SCP2: variants seen among roughly 807,000 people sequenced by gnomAD.
SCP2 encodes the protein sterol carrier protein 2.
A neutral mutation model predicts 71.4 loss-of-function variants in SCP2; 48 were observed. The observed-to-expected ratio is 0.67, with a 90% CI of 0.53 to 0.86. The LOEUF (loss-of-function observed/expected upper bound fraction) is 0.86, where lower values mean the gene tolerates loss of function less well. Among genes scored for constraint, SCP2 ranks in the 40% least tolerant of loss-of-function variants. The pLI is 0.00. For missense variants in SCP2, 560 were observed against 655.6 expected, an observed-to-expected ratio of 0.85 and a Z score of 1.59; for synonymous variants, 220 against 218.1, an observed-to-expected ratio of 1.01 and a Z score of -0.08.
intron 11 of SCP2, among the ~76,000 whole-genome samples, chr1:53,012,895 T>C (rs1322948075): frequency 2.0e-5 from 3 of 152,326 alleles, no homozygotes; most frequent in African/African-American, 7.2e-5. Flanking sequence ...AAATTGCATC[T>C]GTTCTTTTGT....
In SCP2 at chr1:52,978,280, C is replaced by A; in HGVS notation, c.738C>A (p.Gly246=). Reference sequence around the variant, plus strand: ...GTGAAGCATTTGTACAGAAGTATGGCCTGCAATCCAAAGCTGTGGAAATTT... The same window carrying A: ...GTGAAGCATTTGTACAGAAGTATGGACTGCAATCCAAAGCTGTGGAAATTT... The part of the protein sequence containing the change: ...LASEAFVQKY[G]LQSKAVEILA... The change falls in exon 9 of 16, where the codon GGC becomes GGA. Residue 246 remains glycine, a synonymous_variant. Transcript: ENST00000371514. 1 of 1,613,916 alleles carries A rather than the reference C, an allele frequency of 6.2e-7. No individual in the cohort carries two copies. Among genetic ancestry groups the A allele is most frequent in the East Asian group, 2.2e-5 (1 of 44,880 alleles).
rs1050097517 is a variant in SCP2 at position 52,995,695 on chromosome 1, C to G, written c.1081+7559C>G. Reference sequence around the variant, plus strand: ...ATGAGCAGTTGCTCAACGTGCAGAACCAGAACAGCAGCTACTTTGTGGAGT... The same window carrying G: ...ATGAGCAGTTGCTCAACGTGCAGAAGCAGAACAGCAGCTACTTTGTGGAGT... On this transcript the variant is annotated intron_variant, in intron 11 of 15. Transcript: ENST00000371514. 1.7e-5 allele frequency: 13 copies of G among 743,610 alleles called. No homozygotes were observed. The African/African-American group carries it at 2.0e-4, about 12-fold the overall frequency. The allele number at this position is 743,610 out of a possible 1,614,324, so 46.1% of individuals were successfully genotyped here.
chr1:53,038,650 C>G (rs983677083), intron 13 of SCP2, among the ~76,000 whole-genome samples: 1 of 152,110 alleles, frequency 6.6e-6, no homozygotes, highest in Admixed American at 6.5e-5. Flanking sequence ...AGTGATCCCC[C>G]CACCTCTGCC....
Position 52,980,388 on chromosome 1 carries a change from G to A in SCP2, c.826-8G>A, listed in dbSNP as rs1360464311. On this transcript the variant is annotated splice_polypyrimidine_tract_variant and splice_region_variant and intron_variant, in intron 9 of 15. Transcript: ENST00000371514. ...GTGCCCTTTATTTATATATGGTTTT[G>A]GTTTTAGGTTGGCTTTGATATGAGT... The A allele has an allele frequency of 1.5e-5, 25 of 1,613,286 alleles. No homozygotes were observed. The highest frequency in any genetic ancestry group is 2.1e-5 in the Non-Finnish European group (25 of 1,179,706).
intron 2 of SCP2, among the ~76,000 whole-genome samples, chr1:52,946,306 G>A (rs1654789474): frequency 6.6e-6 from 1 of 152,030 alleles, no homozygotes; most frequent in Non-Finnish European, 1.5e-5. Flanking sequence ...ATGGCTCACT[G>A]TAGCCTTGAC....
intron 12 of SCP2, among the ~76,000 whole-genome samples, chr1:53,015,461 GTC>G: frequency 6.6e-6 from 1 of 152,096 alleles, no homozygotes; most frequent in African/African-American, 2.4e-5. Context: ...AATTCTTTTT[GTC>G]TCTTGCTGAC....
chr1:53,034,886 A>T (rs1662811236), intron 13 of SCP2, among the ~76,000 whole-genome samples: 1 of 152,186 alleles, frequency 6.6e-6, no homozygotes, highest in African/African-American at 2.4e-5. Context: ...CAGGCGGATC[A>T]TGAGGTCAGG....
chr1:52,979,233 G>A (rs1658250049), intron 9 of SCP2, among the ~76,000 whole-genome samples: 1 of 152,024 alleles, frequency 6.6e-6, no homozygotes, highest in African/African-American at 2.4e-5. Flanking sequence ...GCGTGGTGGT[G>A]CGATCATAGC....
intron 6 of SCP2, among the ~76,000 whole-genome samples, chr1:52,964,131 T>C (rs1656728631): frequency 6.6e-6 from 1 of 151,986 alleles, no homozygotes; most frequent in African/African-American, 2.4e-5. Context: ...AATTAGATAA[T>C]GAATGTGGCC....
At chr1:52,972,136 G>T (rs1353865871) in intron 6 of SCP2, among the ~76,000 whole-genome samples, 1 of 152,054 alleles carries the variant, frequency 6.6e-6, no homozygotes, top group Admixed American at 6.5e-5. Flanking sequence ...TAAAATTGCT[G>T]TTTGTGAGTG....
chr1:52,943,253 T>C (rs1176405226), intron 2 of SCP2, among the ~76,000 whole-genome samples: 2 of 151,676 alleles, frequency 1.3e-5, no homozygotes, highest in Non-Finnish European at 1.5e-5. Flanking sequence ...GACGGAGTCT[T>C]GCTCTGTCGC....
intron 6 of SCP2, among the ~76,000 whole-genome samples, chr1:52,967,380 A>G (rs1657066558): frequency 6.6e-6 from 1 of 151,806 alleles, no homozygotes; most frequent in Non-Finnish European, 1.5e-5. Flanking sequence ...CAATTTTGGT[A>G]GTCTGTAGTT....
At chr1:53,026,903 G>A (rs1662170100) in intron 12 of SCP2, among the ~76,000 whole-genome samples, 2 of 151,144 alleles carry the variant, frequency 1.3e-5, no homozygotes, top group Non-Finnish European at 2.9e-5. Context: ...AGAGGAGAGG[G>A]GTAGAAAAAG....
intron 7 of SCP2, among the ~76,000 whole-genome samples, chr1:52,975,924 T>C (rs1401758226): frequency 6.6e-6 from 1 of 152,164 alleles, no homozygotes; most frequent in Non-Finnish European, 1.5e-5. Context: ...ATGCCACCCA[T>C]ATTTTGACCA....
intron 11 of SCP2, among the ~76,000 whole-genome samples, chr1:53,002,538 A>T (rs574973859): frequency 6.6e-5 from 10 of 152,320 alleles, no homozygotes; most frequent in African/African-American, 2.4e-4. Context: ...GTGCACAAAA[A>T]ATACATGTAA....
At chr1:53,043,091 G>A (rs544204209) in intron 14 of SCP2, among the ~76,000 whole-genome samples, 1 of 152,188 alleles carries the variant, frequency 6.6e-6, no homozygotes, top group South Asian at 2.1e-4. Flanking sequence ...AAAGCTTCAG[G>A]GTCTCCTATC....
intron 12 of SCP2, among the ~76,000 whole-genome samples, chr1:53,016,004 T>C (rs1661311778): frequency 6.6e-6 from 1 of 152,162 alleles, no homozygotes; most frequent in South Asian, 2.1e-4. Context: ...ATTCACACTT[T>C]TTTGTTTCTC....
At chr1:53,039,895 C>T (rs1329046502) in intron 14 of SCP2, among the ~76,000 whole-genome samples, 1 of 152,196 alleles carries the variant, frequency 6.6e-6, no homozygotes, top group African/African-American at 2.4e-5. Context: ...TAATAGGTAT[C>T]GCAAAGCTAA....
chr1:53,010,544 C>A (rs1660920966), intron 11 of SCP2, among the ~76,000 whole-genome samples: 1 of 151,982 alleles, frequency 6.6e-6, no homozygotes, highest in South Asian at 2.1e-4. Flanking sequence ...AACCAAACAC[C>A]ACATGTTCTC....
Sources: allele counts gnomAD v4.1 joint callset (sites outside exome capture counted in the v4.1 genomes callset), GRCh38; gene constraint gnomAD v4.1.1; transcripts MANE v1.5; gene names NCBI Gene and HGNC (gene_info 2026-07-23, HGNC 2026-07-21).